The following NEK10 variants were observed in gnomAD, a reference collection of about 807,000 sequenced individuals.
NEK10 encodes NIMA related kinase 10, also known as serine/threonine-protein kinase Nek10.
In NEK10, 122 loss-of-function variants were observed where a neutral mutation model predicts 159.8. That is an observed-to-expected ratio of 0.76 (90% CI 0.66 to 0.89). NEK10 has a LOEUF of 0.89. Ranked by LOEUF, NEK10 falls within the 40% of genes least tolerant of loss-of-function variation. The pLI is 0.00. For synonymous variants in NEK10, 466 were observed against 457.1 expected, an observed-to-expected ratio of 1.02 and a Z score of -0.25; for missense variants, 1,342 against 1,323.1, an observed-to-expected ratio of 1.01 and a Z score of -0.22.
chr3:27,197,800 T>C lies in NEK10; in HGVS notation c.2291+3710A>G, dbSNP rs530826123. 4.6e-5 allele frequency among the ~76,000 whole-genome samples: 7 copies of C among 152,178 alleles called. No homozygotes were observed. The East Asian group carries it at 5.8e-4, about 13-fold the overall frequency. On this transcript the variant is annotated intron_variant, in intron 25 of 35. Coordinates refer to ENST00000691995, the MANE Select transcript of NEK10 (RefSeq NM_001394966.1). ...GCTCTGACCAGTACTTTCTTTCTTTTTTTTTTTTTATTATACTTCAAGTTT... is the reference window on the plus strand; with the variant it reads ...GCTCTGACCAGTACTTTCTTTCTTTCTTTTTTTTTATTATACTTCAAGTTT...
At chr3:27,329,808 A>T in intron 5 of NEK10, among the ~76,000 whole-genome samples, 1 of 152,198 alleles carries the variant, frequency 6.6e-6, no homozygotes, top group East Asian at 1.9e-4. Flanking sequence ...CTTGGACCTT[A>T]CCTGCTCATC....
At chr3:27,215,693 C>A in intron 23 of NEK10, 1 of 661,586 alleles carries the variant, frequency 1.5e-6, no homozygotes, top group Non-Finnish European at 2.8e-6. Flanking sequence ...ATACCTGAGA[C>A]TAGGTAATTT....
chr3:27,320,640 G>A (rs901994472), intron 6 of NEK10, among the ~76,000 whole-genome samples: 1 of 152,156 alleles, frequency 6.6e-6, no homozygotes, highest in African/African-American at 2.4e-5. Flanking sequence ...AGGAAAATAA[G>A]GATGCTTACC....
intron 6 of NEK10, among the ~76,000 whole-genome samples, chr3:27,318,075 G>C (rs1437163901): frequency 6.6e-6 from 1 of 152,120 alleles, no homozygotes. Context: ...AGTGCTGGGA[G>C]TACAGGCGTG....
intron 30 of NEK10, among the ~76,000 whole-genome samples, chr3:27,160,119 T>TA (rs200665047): frequency 1.3e-3 from 202 of 151,854 alleles, no homozygotes; most frequent in Non-Finnish European, 2.1e-3. Flanking sequence ...TTATTTTTTT[T>TA]AAAAAAATAA....
intron 23 of NEK10, among the ~76,000 whole-genome samples, chr3:27,205,536 C>A (rs1222635957): frequency 5.8e-5 from 6 of 103,204 alleles, no homozygotes; most frequent in African/African-American, 2.3e-4. Context: ...CAGAACAGAG[C>A]CCTCAGAAAT....
At chr3:27,279,968 G>A (rs1334143370) in intron 22 of NEK10, among the ~76,000 whole-genome samples, 2 of 152,040 alleles carry the variant, frequency 1.3e-5, no homozygotes, top group African/African-American at 4.8e-5. Flanking sequence ...AACAGATCGA[G>A]ACCATCCTGG....
intron 5 of NEK10, among the ~76,000 whole-genome samples, chr3:27,325,358 G>C (rs1040364660): frequency 3.3e-5 from 5 of 152,114 alleles, no homozygotes; most frequent in Admixed American, 3.3e-4. Context: ...CTCCACAGCT[G>C]AGCTGATTGT....
intron 23 of NEK10, among the ~76,000 whole-genome samples, chr3:27,204,294 T>G (rs1950304773): frequency 5.4e-5 from 5 of 91,792 alleles, no homozygotes; most frequent in Non-Finnish European, 1.0e-4. Flanking sequence ...TTTTTTTTTT[T>G]GTTGTTGTTT....
At chr3:27,215,549 CTTCTT>C (rs1951426811) in intron 23 of NEK10, 1 of 464,802 alleles carries the variant, frequency 2.2e-6, no homozygotes, top group Non-Finnish European at 3.8e-6. Flanking sequence ...AGTTTTGACT[CTTCTT>C]TCCTTGGATG....
At chr3:27,122,677 C>T (rs1262344757) in intron 32 of NEK10, among the ~76,000 whole-genome samples, 2 of 152,014 alleles carry the variant, frequency 1.3e-5, no homozygotes, top group Admixed American at 1.3e-4. Context: ...AACTGGCTGC[C>T]TGAAATCTCA....
chr3:27,112,888 GA>G (rs1939780767), intron 35 of NEK10, among the ~76,000 whole-genome samples: 1 of 152,122 alleles, frequency 6.6e-6, no homozygotes, highest in Non-Finnish European at 1.5e-5. Context: ...CATATGCTGT[GA>G]CATTTAGCAC....
chr3:27,192,202 C>G lies in NEK10; in HGVS notation c.2332G>C (p.Glu778Gln). The G allele has an allele frequency of 6.2e-7, 1 of 1,614,136 alleles. No individual in the cohort carries two copies. Among genetic ancestry groups the G allele is most frequent in the Admixed American group, 1.7e-5 (1 of 60,018 alleles). ...PDAEARPDIV[E>Q]VSSMISDVMM... ...ACATCTGATATCATCGAACTGACTT[C>G]TACAATATCTGGACGAGCTTCCGCA... Residue 778 changes from glutamate to glutamine, a missense_variant, in exon 26 of 36, where the codon GAA becomes CAA. Glu to Gln is a conservative substitution (Grantham distance 29, BLOSUM62 2). Coordinates refer to ENST00000691995, the MANE Select transcript of NEK10 (RefSeq NM_001394966.1).
At chr3:27,278,136 G>A (rs181365031) in intron 22 of NEK10, among the ~76,000 whole-genome samples, 18 of 152,186 alleles carry the variant, frequency 1.2e-4, no homozygotes, top group Admixed American at 1.2e-3. Flanking sequence ...ATAATAATAG[G>A]TCACAACTTG....
At position 27,130,114 on chromosome 3, in the gene NEK10, G is replaced by A. The variant is rs115748956; in HGVS notation, c.3081+1766C>T. On this transcript the variant is annotated intron_variant, in intron 32 of 35. Coordinates refer to ENST00000691995, the MANE Select transcript of NEK10 (RefSeq NM_001394966.1). ...ACTTCTGTTGATCATGAGCCCTAAA[G>A]CAATATATAGGGCCTTTCCCTACCT... 4.7e-3 allele frequency among the ~76,000 whole-genome samples: 717 copies of A among 152,064 alleles called. 6 individuals are homozygous for A. The highest frequency in any genetic ancestry group is 0.016 in the African/African-American group (681 of 41,480).
At chr3:27,122,138 G>T (rs910881011) in intron 32 of NEK10, among the ~76,000 whole-genome samples, 9 of 151,892 alleles carry the variant, frequency 5.9e-5, no homozygotes, top group African/African-American at 2.2e-4. Flanking sequence ...TTGGATCATG[G>T]GGGTGGTTTC....
intron 23 of NEK10, among the ~76,000 whole-genome samples, chr3:27,236,946 C>T (rs1458186817): frequency 6.6e-6 from 1 of 152,090 alleles, no homozygotes; most frequent in Non-Finnish European, 1.5e-5. Context: ...CTGCAGGAGA[C>T]CAGGGCATAT....
At position 27,352,553 on chromosome 3, in the gene NEK10, C is replaced by A. The variant is rs1323309199; in HGVS notation, c.72-28G>T. On this transcript the variant is annotated intron_variant, in intron 2 of 35. Coordinates refer to ENST00000691995, the MANE Select transcript of NEK10 (RefSeq NM_001394966.1). ...AGGAGAGAGAATAACACAATGTGAACCCACAGAAGGCTCCAGGTGAACAAG... is the reference window on the plus strand; with the variant it reads ...AGGAGAGAGAATAACACAATGTGAAACCACAGAAGGCTCCAGGTGAACAAG... 6 of 1,525,306 alleles carry A rather than the reference C, an allele frequency of 3.9e-6. No homozygotes were observed. The African/African-American group carries it at 5.5e-5, about 14-fold the overall frequency. The allele number at this position is 1,525,306 out of a possible 1,614,324, so 94.5% of individuals were successfully genotyped here.
At chr3:27,151,955 C>A (rs776423880) in intron 30 of NEK10, among the ~76,000 whole-genome samples, 7 of 152,158 alleles carry the variant, frequency 4.6e-5, no homozygotes, top group East Asian at 1.9e-4. Flanking sequence ...GAAAAAGGAA[C>A]AAGAAAATAT....
Sources: gnomAD v4.1 joint callset for allele counts (sites outside exome capture counted in the v4.1 genomes callset) on GRCh38, gnomAD v4.1.1 for gene constraint, MANE v1.5 for transcripts, NCBI Gene and HGNC (gene_info 2026-07-23, HGNC 2026-07-21) for gene names.